The following CREG1 variants were observed in gnomAD, a reference collection of about 807,000 sequenced individuals.
CREG1 encodes cellular repressor of E1A stimulated genes 1, also known as protein CREG1.
A neutral mutation model predicts 19.9 loss-of-function variants in CREG1; 20 were observed. The observed-to-expected ratio is 1.01, with a 90% CI of 0.71 to 1.46. The LOEUF (loss-of-function observed/expected upper bound fraction) is 1.46, where lower values mean the gene tolerates loss of function less well. Ranked by LOEUF, CREG1 falls within the 40% of genes most tolerant of loss-of-function variation. CREG1 has a pLI of 0.00. For synonymous variants in CREG1, 141 were observed against 143.3 expected (o/e 0.98, Z 0.12); for missense variants, 290 against 314.9 (o/e 0.92, Z 0.60).
intron 3 of CREG1, among the ~76,000 whole-genome samples, chr1:167,543,339 G>A (rs1656257996): frequency 6.6e-6 from 1 of 152,132 alleles, no homozygotes; most frequent in Admixed American, 6.5e-5. Flanking sequence ...ACATGCTCAT[G>A]GGGGCTTCAC....
chr1:167,549,350 C>T (rs749738484), intron 1 of CREG1, among the ~76,000 whole-genome samples: 7 of 151,494 alleles, frequency 4.6e-5, no homozygotes, highest in Non-Finnish European at 1.0e-4. Context: ...AATGTTGAAA[C>T]AGGCTTCACT....
intron 2 of CREG1, among the ~76,000 whole-genome samples, chr1:167,546,502 T>C (rs542930075): frequency 1.7e-3 from 259 of 151,220 alleles, no homozygotes; most frequent in African/African-American, 5.9e-3. Flanking sequence ...ATTAGCCAGA[T>C]GTGGTGGTGG....
At chr1:167,547,904 G>A in intron 2 of CREG1, 98 bp downstream of exon 2, 3 of 1,363,328 alleles carry the variant, frequency 2.2e-6, no homozygotes, top group Non-Finnish European at 3.1e-6. Context: ...CTGGGAGACA[G>A]AGTGAGACTC....
In CREG1 at chr1:167,542,306, A is replaced by T; in HGVS notation, c.660-5T>A. The T allele has an allele frequency of 6.2e-7, 1 of 1,604,260 alleles. No homozygotes were observed. The stretch of plus-strand genomic sequence containing the variant: ...ATTCACCACAGTCTGCTTCACCTAG[A>T]AAGGGGAACAGAGAAGAATTATTTT... On this transcript the variant is annotated splice_polypyrimidine_tract_variant and splice_region_variant and intron_variant, in intron 3 of 3. Coordinates refer to ENST00000370509, the MANE Select transcript of CREG1 (RefSeq NM_003851.3).
chr1:167,553,428 A>C lies in CREG1; in HGVS notation c.314T>G (p.Phe105Cys), dbSNP rs1362132676. The C allele has an allele frequency of 6.8e-7, 1 of 1,472,876 alleles. No individual in the cohort carries two copies. Among genetic ancestry groups the C allele is most frequent in the Non-Finnish European group, 8.9e-7 (1 of 1,119,012 alleles). 91.2% of individuals were successfully genotyped at this position (1,472,876 alleles called of 1,614,324 possible). Residue 105 changes from phenylalanine (F) to cysteine (C), a missense_variant, in exon 1 of 4, where the codon TTC becomes TGC. Transcript: ENST00000370509. ...PPGAGSGVPY[F>C]YLSPLQLSVS... ...GGAGAGCTGCAGCGGGCTCAGGTAG[A>C]AATAGGGCACGCCGCTGCCCGCGCC...
chr1:167,544,222 C>A (rs1185377121), intron 3 of CREG1, among the ~76,000 whole-genome samples: 1 of 152,140 alleles, frequency 6.6e-6, no homozygotes, highest in African/African-American at 2.4e-5. Context: ...TTTATTCCAA[C>A]AGAGTGTGAG....
rs146851120 is a variant in CREG1, at chr1:167,541,996, C to T, written c.*302G>A. Reference sequence around the variant, plus strand: ...ACTGGTACTCATTCCTCTTCAAGAGCACCACTGGAAACATCTTTGGAATTG... The same window carrying T: ...ACTGGTACTCATTCCTCTTCAAGAGTACCACTGGAAACATCTTTGGAATTG... On this transcript the variant is annotated 3_prime_UTR_variant, in exon 4 of 4. Coordinates refer to ENST00000370509, the MANE Select transcript of CREG1 (RefSeq NM_003851.3). 151 of 271,278 alleles carry T rather than the reference C, an allele frequency of 5.6e-4. No individual in the cohort carries two copies. The highest frequency in any genetic ancestry group is 3.2e-3 in the African/African-American group (143 of 45,056). The allele number at this position is 271,278 out of a possible 1,614,324, so 16.8% of individuals were successfully genotyped here.
At chr1:167,544,772 C>T (rs772552794) in intron 3 of CREG1, among the ~76,000 whole-genome samples, 12 of 152,108 alleles carry the variant, frequency 7.9e-5, no homozygotes, top group Non-Finnish European at 1.2e-4. Flanking sequence ...TGGAAGGTTG[C>T]GCAAGAAAGG....
intron 3 of CREG1, among the ~76,000 whole-genome samples, chr1:167,545,700 G>A (rs1656305334): frequency 6.6e-6 from 1 of 151,958 alleles, no homozygotes; most frequent in Non-Finnish European, 1.5e-5. Context: ...AGCTGCTTGG[G>A]AGGCTTGAGG....
rs1656375298 is a variant in CREG1, at chr1:167,548,830, CA to C, written c.355-710del. ...ATTTTGCCATTTCACACTGACCCAT[CA>C]AAACAAAGAGTCATAAAGAGATTTC... On this transcript the variant is annotated intron_variant, in intron 1 of 3. Transcript: ENST00000370509. Among the ~76,000 whole-genome samples the C allele has an allele frequency of 2.0e-5, 3 of 152,272 alleles. No individual in the cohort carries two copies. The South Asian group carries it at 6.2e-4, about 32-fold the overall frequency.
Position 167,541,171 on chromosome 1 carries a change from C to G in CREG1, c.*1127G>C, listed in dbSNP as rs943758948. 16 of 152,314 alleles carry G rather than the reference C, an allele frequency of 1.1e-4. No homozygotes were observed. The highest frequency in any genetic ancestry group is 3.8e-4 in the African/African-American group (16 of 41,578). The allele number at this position is 152,314 out of a possible 1,614,324, so 9.4% of individuals were successfully genotyped here. A position where few individuals can be genotyped will look rare whatever the true frequency, so the allele number is the denominator to read the frequency against. On this transcript the variant is annotated 3_prime_UTR_variant, in exon 4 of 4. Coordinates refer to ENST00000370509, the MANE Select transcript of CREG1 (RefSeq NM_003851.3). ...ACACAATGACTCATATTCAACTTTT[C>G]TCTTTAAGGATTCAGTGGCTTGATT...
intron 1 of CREG1, among the ~76,000 whole-genome samples, chr1:167,549,256 A>G (rs1302622580): frequency 1.3e-5 from 2 of 152,082 alleles, no homozygotes; most frequent in East Asian, 3.9e-4. Context: ...AGGAGTCTAG[A>G]TTGTAATTTG....
chr1:167,548,129 G>T lies in CREG1; in HGVS notation c.355-8C>A. 1 of 1,581,422 alleles carries T rather than the reference G, an allele frequency of 6.3e-7. No individual in the cohort carries two copies. Among genetic ancestry groups the T allele is most frequent in the Non-Finnish European group, 8.7e-7 (1 of 1,154,832 alleles). On this transcript the variant is annotated splice_polypyrimidine_tract_variant and splice_region_variant and intron_variant, in intron 1 of 3. Transcript: ENST00000370509. Reference sequence around the variant, plus strand: ...TGTAGCATATGGATTCTCCTATAGAGAGAAAATGAAGATCCTCTCATGTGA... The same window carrying T: ...TGTAGCATATGGATTCTCCTATAGATAGAAAATGAAGATCCTCTCATGTGA...
At position 167,541,999 on chromosome 1, in the gene CREG1, C is replaced by CTTTGGAATTG; in HGVS notation, c.*298_*299insCAATTCCAAA. The CTTTGGAATTG allele has an allele frequency of 1.1e-5, 3 of 284,164 alleles. 1 individual carries two copies. The South Asian group carries it at 2.4e-4, about 22-fold the overall frequency. The allele number at this position is 284,164 out of a possible 1,614,324, so 17.6% of individuals were successfully genotyped here. ...GGTACTCATTCCTCTTCAAGAGCACCACTGGAAACATCTTTGGAATTGATG... is the reference window on the plus strand; with the variant it reads ...GGTACTCATTCCTCTTCAAGAGCACCTTTGGAATTGACTGGAAACATCTTTGGAATTGATG... On this transcript the variant is annotated 3_prime_UTR_variant, in exon 4 of 4. Coordinates refer to ENST00000370509, the MANE Select transcript of CREG1 (RefSeq NM_003851.3).
At chr1:167,543,323 A>C (rs1423045581) in intron 3 of CREG1, among the ~76,000 whole-genome samples, 1 of 152,090 alleles carries the variant, frequency 6.6e-6, no homozygotes, top group Non-Finnish European at 1.5e-5. Context: ...TCCACTGATC[A>C]TGCAAACATG....
chr1:167,552,511 G>A (rs1656437763), intron 1 of CREG1, among the ~76,000 whole-genome samples: 2 of 152,170 alleles, frequency 1.3e-5, no homozygotes, highest in South Asian at 2.1e-4. Flanking sequence ...ACCAGAAGGT[G>A]GGCAAAGGGC....
intron 1 of CREG1, among the ~76,000 whole-genome samples, chr1:167,552,528 G>A (rs10918712): frequency 0.48 from 72,927 of 152,018 alleles, 18,375 homozygotes; most frequent in East Asian, 0.67. Flanking sequence ...GGGCGAGGAA[G>A]AGATACACCT....
At chr1:167,546,014 A>C (rs1227200184) in intron 3 of CREG1, 87 bp downstream of exon 3, 1 of 1,168,536 alleles carries the variant, frequency 8.6e-7, no homozygotes, top group Non-Finnish European at 1.2e-6. Context: ...TCCAGGGCAC[A>C]TGAAACGGTT....
intron 3 of CREG1, among the ~76,000 whole-genome samples, 159 bp from the exon 4 acceptor site, chr1:167,542,460 G>A (rs1431237370): frequency 6.6e-6 from 1 of 152,184 alleles, no homozygotes; most frequent in Admixed American, 6.5e-5. Flanking sequence ...ACTTGGGTTT[G>A]TTAAAATGCA....
Sources: gnomAD v4.1 joint callset for allele counts (sites outside exome capture counted in the v4.1 genomes callset) on GRCh38, gnomAD v4.1.1 for gene constraint, MANE v1.5 for transcripts, NCBI Gene and HGNC (gene_info 2026-07-23, HGNC 2026-07-21) for gene names.